The following OPCML variants were observed in gnomAD, a reference collection of about 807,000 sequenced individuals.
The protein encoded by OPCML is opioid-binding protein/cell adhesion molecule.
Under a neutral mutation model 37.8 loss-of-function variants are expected in OPCML, and 13 were observed. That is an observed-to-expected ratio of 0.34 (90% CI 0.22 to 0.55). The LOEUF is 0.55. Ranked by LOEUF, OPCML falls within the 20% of genes least tolerant of loss-of-function variation. The pLI is 0.91. For missense variants in OPCML, 341 were observed against 435.6 expected (o/e 0.78, Z 1.93); for synonymous variants, 176 against 168.8 (o/e 1.04, Z -0.33).
At chr11:132,446,267 C>T (rs1300727296) in intron 4 of OPCML, among the ~76,000 whole-genome samples, 4 of 150,736 alleles carry the variant, frequency 2.7e-5, no homozygotes, top group Non-Finnish European at 2.9e-5. Context: ...GTGGCACATT[C>T]CCTTTAAATG....
intron 1 of OPCML, among the ~76,000 whole-genome samples, chr11:133,141,295 C>A (rs1949820727): frequency 6.6e-6 from 1 of 151,996 alleles, no homozygotes; most frequent in Non-Finnish European, 1.5e-5. Context: ...AGATCCAGCC[C>A]TCCTGGAGTT....
intron 2 of OPCML, among the ~76,000 whole-genome samples, chr11:132,668,818 G>A (rs796749170): frequency 1.3e-5 from 2 of 152,110 alleles, no homozygotes; most frequent in South Asian, 4.1e-4. Flanking sequence ...TCTACCTATA[G>A]ATTCTCGTAC....
At position 132,979,423 on chromosome 11, in the gene OPCML, A is replaced by C. The variant is rs184338093; in HGVS notation, c.62-36413T>G. The stretch of plus-strand genomic sequence containing the variant: ...CTTGTTCCTTAGACAGCCTGCTCAC[A>C]CTCCTGCCTATGGCATATGAAGTGG... On this transcript the variant is annotated intron_variant, in intron 1 of 7. Coordinates refer to ENST00000524381, the MANE Select transcript of OPCML (RefSeq NM_001012393.5). Among the ~76,000 whole-genome samples, 13 of 152,002 alleles carry C rather than the reference A, an allele frequency of 8.6e-5. No individual in the cohort carries two copies. In the East Asian group the frequency reaches 2.5e-3, roughly 30 times the overall value.
At chr11:133,192,950 G>A (rs537109489) in intron 1 of OPCML, among the ~76,000 whole-genome samples, 44 of 151,084 alleles carry the variant, frequency 2.9e-4, no homozygotes, top group African/African-American at 1.1e-3. Context: ...ATAAAGGTTC[G>A]AGATAAATGG....
intron 1 of OPCML, among the ~76,000 whole-genome samples, chr11:133,483,310 G>A (rs61262329): frequency 3.8e-4 from 31 of 81,152 alleles, no homozygotes; most frequent in African/African-American, 2.9e-3. Context: ...TGATAGATAG[G>A]CAGATAGATA....
intron 1 of OPCML, among the ~76,000 whole-genome samples, chr11:132,949,997 T>C (rs1205099312): frequency 6.6e-6 from 1 of 151,814 alleles, no homozygotes; most frequent in African/African-American, 2.4e-5. Context: ...ATCGGCTGAG[T>C]GAAGGTTGGA....
chr11:133,155,823 C>T (rs1950053901), intron 1 of OPCML, among the ~76,000 whole-genome samples: 2 of 152,132 alleles, frequency 1.3e-5, no homozygotes, highest in African/African-American at 4.8e-5. Flanking sequence ...TTTCCATCTA[C>T]CCACTTTCCA....
intron 1 of OPCML, among the ~76,000 whole-genome samples, chr11:133,038,301 G>A (rs1285845879): frequency 6.6e-6 from 1 of 152,178 alleles, no homozygotes; most frequent in Non-Finnish European, 1.5e-5. Context: ...GCTCGGGTGG[G>A]ACACTCATCT....
intron 4 of OPCML, among the ~76,000 whole-genome samples, chr11:132,479,913 A>T (rs1313647749): frequency 6.6e-6 from 1 of 152,186 alleles, no homozygotes; most frequent in African/African-American, 2.4e-5. Flanking sequence ...AAACACAAAG[A>T]TGGGGAAAAA....
chr11:132,594,471 A>G (rs1403901881), intron 3 of OPCML, among the ~76,000 whole-genome samples: 1 of 152,216 alleles, frequency 6.6e-6, no homozygotes, highest in Non-Finnish European at 1.5e-5. Context: ...TATATTTAAA[A>G]TATATTGAAA....
At chr11:132,704,040 T>C (rs1026343340) in intron 2 of OPCML, among the ~76,000 whole-genome samples, 11 of 152,248 alleles carry the variant, frequency 7.2e-5, no homozygotes, top group Non-Finnish European at 1.2e-4. Context: ...GTTTGGTTGG[T>C]TTTTTTGCAG....
At chr11:133,532,237 A>G in intron 1 of OPCML, 27 bp downstream of exon 1, 1 of 1,611,984 alleles carries the variant, frequency 6.2e-7, no homozygotes, top group Non-Finnish European at 8.5e-7. Flanking sequence ...CCCCAGGGAG[A>G]GAAAACACCC....
At chr11:132,674,989 T>C (rs546896572) in intron 2 of OPCML, among the ~76,000 whole-genome samples, 37 of 152,306 alleles carry the variant, frequency 2.4e-4, no homozygotes, top group African/African-American at 8.7e-4. Flanking sequence ...CTACTATTCA[T>C]ATGTTCCTTG....
At chr11:132,655,241 T>C (rs1419284652) in intron 3 of OPCML, among the ~76,000 whole-genome samples, 1 of 152,222 alleles carries the variant, frequency 6.6e-6, no homozygotes, top group African/African-American at 2.4e-5. Context: ...AAAATAACTT[T>C]GCTGTCAAGG....
At chr11:133,187,516 G>A (rs1938135593) in intron 1 of OPCML, among the ~76,000 whole-genome samples, 1 of 152,236 alleles carries the variant, frequency 6.6e-6, no homozygotes, top group Middle Eastern at 3.4e-3. Flanking sequence ...CGCATGGTCT[G>A]TTGGTTTTTC....
At chr11:132,493,760 C>A (rs1040793049) in intron 4 of OPCML, among the ~76,000 whole-genome samples, 1 of 152,238 alleles carries the variant, frequency 6.6e-6, no homozygotes, top group African/African-American at 2.4e-5. Flanking sequence ...CATATCAAAT[C>A]TTTAAAGAAA....
rs1456028409 is a variant in OPCML, at chr11:132,688,919, C to T, written c.147-31600G>A. On this transcript the variant is annotated intron_variant, in intron 2 of 7. Transcript: ENST00000524381. ...GAGCCGAGATTGCGCCACTGCAGTC[C>T]GCAGTCCGGCCTGGGCGACAGAGCG... Among the ~76,000 whole-genome samples the T allele has an allele frequency of 6.8e-5, 2 of 29,516 alleles. 1 individual carries two copies. The highest frequency in any genetic ancestry group is 1.1e-3 in the Admixed American group (2 of 1,882). The allele number at this position is 29,516 out of a possible 152,430, so 19.4% of individuals were successfully genotyped here.
rs1591833684 is a variant in OPCML at position 132,943,254 on chromosome 11, T to C, written c.62-244A>G. On this transcript the variant is annotated intron_variant, in intron 1 of 7. Coordinates refer to ENST00000524381, the MANE Select transcript of OPCML (RefSeq NM_001012393.5). This position sits in a 1 kb window ranked among gnomAD's most constrained non-coding sequence, Gnocchi z 4.3. ...AGAGGAGTCCGGGCTCTCCGGAGTC[T>C]GAGAATTCTTCCTCAGATCCTGCCT... The C allele has an allele frequency of 9.5e-7, 1 of 1,047,578 alleles. No individual in the cohort carries two copies. Among genetic ancestry groups the C allele is most frequent in the Non-Finnish European group, 1.4e-6 (1 of 732,978 alleles). 64.9% of individuals were successfully genotyped at this position (1,047,578 alleles called of 1,614,324 possible).
intron 1 of OPCML, among the ~76,000 whole-genome samples, chr11:133,086,011 A>C (rs752239133): frequency 6.6e-6 from 1 of 152,226 alleles, no homozygotes; most frequent in Non-Finnish European, 1.5e-5. Context: ...TCCTCAGAGA[A>C]AATAGAGGAC....
Sources: allele counts gnomAD v4.1 joint callset (sites outside exome capture counted in the v4.1 genomes callset), GRCh38; gene constraint gnomAD v4.1.1; non-coding constraint Gnocchi (gnomAD v3.1); transcripts MANE v1.5; gene names NCBI Gene and HGNC (gene_info 2026-07-23, HGNC 2026-07-21).